Variants in NLGN1 observed in about 807,000 individuals in gnomAD.
NLGN1 encodes neuroligin-1.
NLGN1 carries 12 observed loss-of-function variants against 65.5 expected under a neutral mutation model. The ratio of observed to expected loss-of-function variants is 0.18; its 90% CI spans 0.12 to 0.30. NLGN1 has a LOEUF of 0.30. Ranked by LOEUF, NLGN1 falls within the 10% of genes least tolerant of loss-of-function variation. The pLI is 1.00. For missense variants in NLGN1, 750 were observed against 1,007.1 expected (o/e 0.74, Z 3.46); for synonymous variants, 350 against 359.5 (o/e 0.97, Z 0.30).
At chr3:173,691,559 C>T (rs926363802) in intron 3 of NLGN1, among the ~76,000 whole-genome samples, 3 of 152,030 alleles carry the variant, frequency 2.0e-5, no homozygotes, top group Admixed American at 6.6e-5. Context: ...GTGTTTAATA[C>T]GTGTCTTAAA....
rs564563917 is a variant in NLGN1, at chr3:173,949,765, C to T, written c.646+141933C>T. 5.3e-5 allele frequency among the ~76,000 whole-genome samples: 8 copies of T among 152,142 alleles called. No homozygotes were observed. In the South Asian group the frequency reaches 8.3e-4, roughly 16 times the overall value. ...ACCAGAATTTATACAAATTTATTAC[C>T]GTGAGTTTACCAGTGTTGCTGGAGT... On this transcript the variant is annotated intron_variant, in intron 4 of 6. Transcript: ENST00000457714.
chr3:174,144,032 C>T (rs1722761011), intron 4 of NLGN1, among the ~76,000 whole-genome samples: 1 of 152,068 alleles, frequency 6.6e-6, no homozygotes, highest in African/African-American at 2.4e-5. Context: ...CCATCATCTA[C>T]ATTAAGTATT....
chr3:173,480,211 G>A (rs184928113), intron 2 of NLGN1, among the ~76,000 whole-genome samples: 20 of 151,568 alleles, frequency 1.3e-4, no homozygotes, highest in Non-Finnish European at 2.6e-4. Context: ...GTGATTCTCG[G>A]TGCTAGCCAC....
At chr3:173,935,476 A>G (rs1744871949) in intron 4 of NLGN1, among the ~76,000 whole-genome samples, 3 of 151,820 alleles carry the variant, frequency 2.0e-5, no homozygotes, top group Non-Finnish European at 4.4e-5. Flanking sequence ...TACTGGTTTT[A>G]TTGGAGCCCA....
At chr3:173,447,122 G>A (rs888309810) in intron 2 of NLGN1, among the ~76,000 whole-genome samples, 2 of 152,206 alleles carry the variant, frequency 1.3e-5, no homozygotes, top group African/African-American at 4.8e-5. Flanking sequence ...TGGTGTTTTA[G>A]TCATGAAGTC....
At chr3:174,066,560 CTCTCTGTGTG>C (rs1738638959) in intron 4 of NLGN1, among the ~76,000 whole-genome samples, 1 of 133,924 alleles carries the variant, frequency 7.5e-6, no homozygotes, top group East Asian at 2.2e-4. Context: ...CTCTCTCTCT[CTCTCTGTGTG>C]TGTGTGTGTG....
chr3:173,717,809 A>G (rs1770125920), intron 3 of NLGN1, among the ~76,000 whole-genome samples: 1 of 152,104 alleles, frequency 6.6e-6, no homozygotes, highest in Non-Finnish European at 1.5e-5. Flanking sequence ...AGATATCAAA[A>G]TATCTCACGT....
At chr3:174,007,585 T>C (rs1422020310) in intron 4 of NLGN1, among the ~76,000 whole-genome samples, 1 of 152,204 alleles carries the variant, frequency 6.6e-6, no homozygotes, top group East Asian at 1.9e-4. Flanking sequence ...TACAAACTTA[T>C]ATCCCCAGCT....
intron 4 of NLGN1, among the ~76,000 whole-genome samples, chr3:173,815,235 C>G (rs1327156510): frequency 2.0e-5 from 3 of 151,766 alleles, no homozygotes; most frequent in African/African-American, 7.3e-5. Context: ...CTCAGCCTCC[C>G]AAGTAGGTAC....
At chr3:173,960,913 A>T (rs1444048600) in intron 4 of NLGN1, among the ~76,000 whole-genome samples, 1 of 152,038 alleles carries the variant, frequency 6.6e-6, no homozygotes, top group Non-Finnish European at 1.5e-5. Context: ...ATTATCAATG[A>T]TGCAACTTTA....
chr3:173,702,574 A>T (rs1767388718), intron 3 of NLGN1, among the ~76,000 whole-genome samples: 1 of 152,210 alleles, frequency 6.6e-6, no homozygotes, highest in Admixed American at 6.5e-5. Context: ...AAAGAATTTT[A>T]TTCTATTAAA....
chr3:174,080,274 C>G (rs556518321), intron 4 of NLGN1, among the ~76,000 whole-genome samples: 2 of 152,272 alleles, frequency 1.3e-5, no homozygotes, highest in Non-Finnish European at 2.9e-5. Context: ...GGGTCTGCAA[C>G]AACCCCAGTT....
At chr3:173,505,416 C>T (rs371331862) in intron 2 of NLGN1, among the ~76,000 whole-genome samples, 11 of 152,188 alleles carry the variant, frequency 7.2e-5, no homozygotes, top group African/African-American at 9.6e-5. Flanking sequence ...ACTTAAAATT[C>T]TGCATTGGCT....
chr3:173,523,833 G>C (rs1217378642), intron 2 of NLGN1, among the ~76,000 whole-genome samples: 2 of 151,132 alleles, frequency 1.3e-5, no homozygotes, highest in Non-Finnish European at 3.0e-5. Flanking sequence ...TTAATCTGTA[G>C]ATTGCTTTGG....
At chr3:173,697,913 G>A (rs1176121608) in intron 3 of NLGN1, among the ~76,000 whole-genome samples, 2 of 151,786 alleles carry the variant, frequency 1.3e-5, no homozygotes, top group Admixed American at 6.6e-5. Context: ...GAGGGTAAAT[G>A]TGCACTTTTT....
At chr3:173,398,022 C>T (rs1716941451), upstream of NLGN1, 2 of 152,188 alleles carry the variant, frequency 1.3e-5, no homozygotes, top group Non-Finnish European at 2.9e-5. Flanking sequence ...AGAGCTGTGC[C>T]CTGGGACCAC....
intron 4 of NLGN1, among the ~76,000 whole-genome samples, chr3:174,056,190 A>G (rs1445025397): frequency 6.6e-6 from 1 of 152,092 alleles, no homozygotes; most frequent in Non-Finnish European, 1.5e-5. Context: ...ATTCTTAACT[A>G]TAACATTCTA....
At chr3:173,495,289 T>A (rs1408995771) in intron 2 of NLGN1, among the ~76,000 whole-genome samples, 1 of 151,740 alleles carries the variant, frequency 6.6e-6, no homozygotes, top group Non-Finnish European at 1.5e-5. Context: ...GTTCAGTGGG[T>A]TTCTCCTGGT....
At chr3:174,235,034 A>G (rs1265320034) in intron 4 of NLGN1, among the ~76,000 whole-genome samples, 1 of 91,358 alleles carries the variant, frequency 1.1e-5, no homozygotes, top group African/African-American at 4.4e-5. Flanking sequence ...GAGTACCACC[A>G]TTCTAGTGAC....
Sources: gnomAD v4.1 joint callset for allele counts (sites outside exome capture counted in the v4.1 genomes callset) on GRCh38, gnomAD v4.1.1 for gene constraint, MANE v1.5 for transcripts, NCBI Gene and HGNC (gene_info 2026-07-23, HGNC 2026-07-21) for gene names.